FST: variants seen among roughly 807,000 people sequenced by gnomAD.
The protein encoded by FST is activin-binding protein.
A neutral mutation model predicts 38.4 loss-of-function variants in FST; 6 were observed. The ratio of observed to expected loss-of-function variants is 0.16; its 90% confidence interval spans 0.09 to 0.31. FST has a LOEUF of 0.31. Among genes scored for constraint, FST ranks in the 10% least tolerant of loss-of-function variants. FST has a pLI of 1.00. For synonymous variants in FST, 157 were observed against 169.8 expected, an observed-to-expected ratio of 0.92 and a Z score of 0.59; for missense variants, 301 against 432.3, an observed-to-expected ratio of 0.70 and a Z score of 2.69.
Position 53,480,712 on chromosome 5 carries a change from G to C in FST, c.-80G>C, listed in dbSNP as rs1377155960. On this transcript the variant is annotated 5_prime_UTR_variant, in exon 1 of 6. Transcript: ENST00000256759. ...GCCCTCCGCCGCTGGCCTCTGCGACGCGCGCCGCTCGCCCGAGCCACCCGC... is the reference window on the plus strand; with the variant it reads ...GCCCTCCGCCGCTGGCCTCTGCGACCCGCGCCGCTCGCCCGAGCCACCCGC... The C allele has an allele frequency of 6.7e-6, 2 of 297,450 alleles. No individual in the cohort carries two copies. The highest frequency in any genetic ancestry group is 1.0e-5 in the Non-Finnish European group (2 of 196,940). 18.4% of individuals were successfully genotyped at this position (297,450 alleles called of 1,614,324 possible).
chr5:53,484,288 G>A lies in FST; in HGVS notation c.716G>A (p.Cys239Tyr). ...ATTGGATTAGCCTATGAGGGAAAGT[G>A]TATCAGTAGGTATTCTGGATTGAGG... Reference protein sequence around the residue: ...RSIGLAYEGKCIKAKSCEDIQ... With the variant: ...RSIGLAYEGKYIKAKSCEDIQ... Residue 239 changes from cysteine to tyrosine, a missense_variant, in exon 4 of 6, where the codon TGT becomes TAT. Physicochemically the swap from Cys to Tyr is radical, Grantham distance 194. Transcript: ENST00000256759. The A allele has an allele frequency of 6.2e-7, 1 of 1,612,720 alleles. No homozygotes were observed. Among genetic ancestry groups the A allele is most frequent in the Non-Finnish European group, 8.5e-7 (1 of 1,178,738 alleles).
rs1399550455 is a variant in FST at position 53,483,760 on chromosome 5, C to T, written c.496+38C>T. ...CTGTTGAGCAAGACTGGATCTGTCC[C>T]CTCCTCCAGCTTTGTACCTAAAGTA... On this transcript the variant is annotated intron_variant, in intron 3 of 5. Coordinates refer to ENST00000256759, the MANE Select transcript of FST (RefSeq NM_013409.3). This position sits in a 1 kb window ranked among gnomAD's most constrained non-coding sequence, Gnocchi z 4.1. The T allele has an allele frequency of 2.7e-6, 4 of 1,463,516 alleles. No individual in the cohort carries two copies. In the Middle Eastern group the frequency reaches 5.2e-4, roughly 191 times the overall value. 90.7% of individuals were successfully genotyped at this position (1,463,516 alleles called of 1,614,324 possible). A position where few individuals can be genotyped will look rare whatever the true frequency, so the allele number is the denominator to read the frequency against.
chr5:53,482,816 C>T, intron 1 of FST, 64 bp from the exon 2 acceptor site: 2 of 1,017,928 alleles, frequency 2.0e-6, no homozygotes, highest in Non-Finnish European at 2.9e-6. Flanking sequence ...AGCCACCTCG[C>T]TCTCCCTGCC....
chr5:53,485,913 G>A (rs1452197327), intron 5 of FST, 38 bp from the exon 6 acceptor site: 24 of 1,604,042 alleles, frequency 1.5e-5, no homozygotes, highest in East Asian at 2.2e-5. Flanking sequence ...GTTGTTGTCC[G>A]TATTTAAACA....
At chr5:53,485,296 AC>A in intron 5 of FST, 69 bp downstream of exon 5, 1 of 815,324 alleles carries the variant, frequency 1.2e-6, no homozygotes, top group South Asian at 1.4e-5. Flanking sequence ...ATGGACACTT[AC>A]AAAGCACGCA....
In FST at chr5:53,483,733, C is replaced by T. The variant is rs1185778702; in HGVS notation, c.496+11C>T. 6.3e-7 allele frequency: 1 copy of T among 1,593,218 alleles called. No individual in the cohort carries two copies. Among genetic ancestry groups the T allele is most frequent in the East Asian group, 2.2e-5 (1 of 44,762 alleles). ...AAGGCAGATGTAAAAGTAGGTCCTA[C>T]CCTGTTGAGCAAGACTGGATCTGTC... On this transcript the variant is annotated intron_variant, in intron 3 of 5. Transcript: ENST00000256759. This position sits in a 1 kb window ranked among gnomAD's most constrained non-coding sequence, Gnocchi z 4.1.
In FST at chr5:53,485,995, G is replaced by A. The variant is rs564365521; in HGVS notation, c.997G>A (p.Asp333Asn). ...TEEEEEDEDQ[D>N]YSFPISSILE... The stretch of plus-strand genomic sequence containing the variant: ...GGAAGAGGAGGAAGATGAAGACCAG[G>A]ACTACAGCTTTCCTATATCTTCTAT... The change falls in exon 6 of 6, where the codon GAC becomes AAC. Residue 333 changes from aspartate to asparagine, a missense_variant. Transcript: ENST00000256759. The A allele has an allele frequency of 1.3e-6, 2 of 1,586,094 alleles. No homozygotes were observed. The highest frequency in any genetic ancestry group is 2.2e-5 in the South Asian group (2 of 89,458).
chr5:53,481,344 C>T (rs957612328), intron 1 of FST, among the ~76,000 whole-genome samples: 2 of 149,280 alleles, frequency 1.3e-5, no homozygotes, highest in Admixed American at 1.3e-4. Flanking sequence ...TATTTGGTGG[C>T]TGGGGGACGT....
In FST at chr5:53,483,081, C is replaced by A. The variant is rs1747340125; in HGVS notation, c.277+10C>A. The A allele has an allele frequency of 6.3e-7, 1 of 1,598,422 alleles. No individual in the cohort carries two copies. Among genetic ancestry groups the A allele is most frequent in the Admixed American group, 1.7e-5 (1 of 59,586 alleles). ...TGCATCCCCTGTAAAGGTAGGACTC[C>A]TTCTTCCCAACTTGCAGGCCCTCAG... On this transcript the variant is annotated intron_variant, in intron 2 of 5. Coordinates refer to ENST00000256759, the MANE Select transcript of FST (RefSeq NM_013409.3). This position sits in a 1 kb window ranked among gnomAD's most constrained non-coding sequence, Gnocchi z 4.1.
At chr5:53,484,357 G>C in intron 4 of FST, 64 bp downstream of exon 4, 1 of 1,536,952 alleles carries the variant, frequency 6.5e-7, no homozygotes, top group Non-Finnish European at 8.8e-7. Context: ...TAAACTGTGG[G>C]GTTAACTAAT....
At chr5:53,481,718 A>G (rs2112330403) in intron 1 of FST, among the ~76,000 whole-genome samples, 1 of 152,304 alleles carries the variant, frequency 6.6e-6, no homozygotes, top group East Asian at 1.9e-4. Context: ...CTTGCGATCC[A>G]ATGATTGTTA....
At chr5:53,484,396 C>T (rs1308005557) in intron 4 of FST, 103 bp downstream of exon 4, 1 of 1,198,708 alleles carries the variant, frequency 8.3e-7, no homozygotes, top group South Asian at 1.5e-5. Context: ...CCCCAAACAC[C>T]ATAGGGAGAA....
intron 1 of FST, among the ~76,000 whole-genome samples, chr5:53,481,277 A>G (rs960207987): frequency 1.3e-5 from 2 of 151,626 alleles, no homozygotes; most frequent in Non-Finnish European, 2.9e-5. Context: ...TACTTAAAAA[A>G]AAAAAAGGAA....
At chr5:53,482,490 C>G (rs1377833438) in intron 1 of FST, among the ~76,000 whole-genome samples, 3 of 152,018 alleles carry the variant, frequency 2.0e-5, no homozygotes, top group Non-Finnish European at 4.4e-5. Context: ...CTTTAATCTG[C>G]TCTTCGAGTC....
rs1224122357 is a variant in FST, at chr5:53,484,738, AC to A, written c.722-256del. ...TGTAAAATCCTGTTCTTAAAAAAAT[AC>A]CCTTTTAATGCACTAATGTAGTATG... On this transcript the variant is annotated intron_variant, in intron 4 of 5. Coordinates refer to ENST00000256759, the MANE Select transcript of FST (RefSeq NM_013409.3). 3.3e-5 allele frequency among the ~76,000 whole-genome samples: 5 copies of A among 152,302 alleles called. No individual in the cohort carries two copies. The East Asian group carries it at 7.7e-4, about 24-fold the overall frequency.
Position 53,483,726 on chromosome 5 carries a change from G to C in FST, c.496+4G>C, listed in dbSNP as rs1055070434. Reference sequence around the variant, plus strand: ...CAGTACCAAGGCAGATGTAAAAGTAGGTCCTACCCTGTTGAGCAAGACTGG... The same window carrying C: ...CAGTACCAAGGCAGATGTAAAAGTACGTCCTACCCTGTTGAGCAAGACTGG... On this transcript the variant is annotated splice_donor_region_variant and intron_variant, in intron 3 of 5. Transcript: ENST00000256759. The surrounding 1 kb of genome is among the most constrained non-coding windows in gnomAD (Gnocchi z 4.1). 2.5e-6 allele frequency: 4 copies of C among 1,606,560 alleles called. No individual in the cohort carries two copies. Among genetic ancestry groups the C allele is most frequent in the Non-Finnish European group, 3.4e-6 (4 of 1,173,322 alleles).
intron 1 of FST, among the ~76,000 whole-genome samples, chr5:53,481,528 T>C (rs1308991181): frequency 6.7e-6 from 1 of 149,966 alleles, no homozygotes; most frequent in Non-Finnish European, 1.5e-5. Context: ...CTTTACAGTT[T>C]TTTTCCCCTC....
chr5:53,485,622 ACT>A lies in FST; in HGVS notation c.953-326_953-325del, dbSNP rs533760446. On this transcript the variant is annotated intron_variant, in intron 5 of 5. Transcript: ENST00000256759. Reference sequence around the variant, plus strand: ...CTGCTTTTTGCAGTTGCCTCTACTAACTCTGAATTAAGGACCCAAAGCAGTTA... The same window carrying A: ...CTGCTTTTTGCAGTTGCCTCTACTAACTGAATTAAGGACCCAAAGCAGTTA... 1,035 of 985,440 alleles carry A rather than the reference ACT, an allele frequency of 1.1e-3. 9 individuals carry two copies. In the African/African-American group the frequency reaches 0.015, roughly 14 times the overall value. 61.0% of individuals were successfully genotyped at this position (985,440 alleles called of 1,614,324 possible).
rs1020868710 is a variant in FST at position 53,482,477 on chromosome 5, G to A, written c.86-403G>A. Among the ~76,000 whole-genome samples the A allele has an allele frequency of 2.0e-5, 3 of 151,952 alleles. No individual in the cohort carries two copies. In the South Asian group the frequency reaches 6.2e-4, roughly 32 times the overall value. On this transcript the variant is annotated intron_variant, in intron 1 of 5. Coordinates refer to ENST00000256759, the MANE Select transcript of FST (RefSeq NM_013409.3). ...ATCCGTCGCATCCTGTTTTTGTCAG[G>A]TTCTTTAATCTGCTCTTCGAGTCTC...
Sources: gnomAD v4.1 joint callset for allele counts (sites outside exome capture counted in the v4.1 genomes callset) on GRCh38, gnomAD v4.1.1 for gene constraint, Gnocchi (gnomAD v3.1) non-coding constraint, MANE v1.5 for transcripts, NCBI Gene and HGNC (gene_info 2026-07-23, HGNC 2026-07-21) for gene names.